Variants in RAPGEF4 observed in about 807,000 individuals in gnomAD.
The protein encoded by RAPGEF4 is Rap guanine nucleotide exchange factor 4.
In RAPGEF4, 66 loss-of-function variants were observed where a neutral mutation model predicts 147.9. That is an observed-to-expected ratio of 0.45 (90% CI 0.37 to 0.55). RAPGEF4 has a LOEUF of 0.55. Among genes scored for constraint, RAPGEF4 ranks in the 20% least tolerant of loss-of-function variants. RAPGEF4 has a pLI of 0.00. For missense variants in RAPGEF4, 1,071 were observed against 1,257.3 expected, an observed-to-expected ratio of 0.85 and a Z score of 2.24; for synonymous variants, 419 against 442.7, an observed-to-expected ratio of 0.95 and a Z score of 0.67.
intron 4 of RAPGEF4, among the ~76,000 whole-genome samples, chr2:172,914,168 A>G (rs1388277630): frequency 6.6e-6 from 1 of 152,110 alleles, no homozygotes; most frequent in Admixed American, 6.5e-5. Flanking sequence ...AGTGTCCTCT[A>G]CTAATGGACA....
chr2:172,870,430 A>C (rs963303780), intron 4 of RAPGEF4, among the ~76,000 whole-genome samples: 73 of 152,132 alleles, frequency 4.8e-4, no homozygotes, highest in African/African-American at 1.7e-3. Context: ...TTTATGCTTC[A>C]TGAGAGAGGG....
At chr2:172,802,524 T>C (rs1687083013) in intron 3 of RAPGEF4, among the ~76,000 whole-genome samples, 2 of 152,208 alleles carry the variant, frequency 1.3e-5, no homozygotes, top group Admixed American at 1.3e-4. Context: ...CACCAGGTTC[T>C]TCCTGCAACA....
intron 3 of RAPGEF4, among the ~76,000 whole-genome samples, chr2:172,802,726 T>G (rs545850848): frequency 6.6e-6 from 1 of 152,358 alleles, no homozygotes; most frequent in East Asian, 1.9e-4. Context: ...CAATGTCTTA[T>G]CTGAGACAAG....
chr2:172,970,037 G>A (rs529342465), intron 10 of RAPGEF4, among the ~76,000 whole-genome samples: 22 of 152,238 alleles, frequency 1.4e-4, no homozygotes, highest in African/African-American at 3.1e-4. Flanking sequence ...CTTTGCAAAC[G>A]TTGGAATTGG....
intron 6 of RAPGEF4, among the ~76,000 whole-genome samples, chr2:172,951,826 A>G (rs1354897387): frequency 6.6e-6 from 1 of 152,144 alleles, no homozygotes; most frequent in Non-Finnish European, 1.5e-5. Flanking sequence ...TTGGGGCAAC[A>G]TGATCTGATC....
chr2:173,041,259 T>C (rs1345090769), intron 29 of RAPGEF4, among the ~76,000 whole-genome samples: 1 of 152,100 alleles, frequency 6.6e-6, no homozygotes. Context: ...CCTCAATCTA[T>C]GGAAAAAAAG....
At chr2:173,001,382 G>T (rs189542183) in intron 17 of RAPGEF4, 38 bp downstream of exon 17, 5 of 1,611,030 alleles carry the variant, frequency 3.1e-6, no homozygotes, top group Non-Finnish European at 4.2e-6. Flanking sequence ...CTATTCCCTC[G>T]AAGACAACCC....
At chr2:172,743,612 G>A (rs996554351) in intron 1 of RAPGEF4, among the ~76,000 whole-genome samples, 2 of 152,174 alleles carry the variant, frequency 1.3e-5, no homozygotes. Context: ...TGCTATAGAG[G>A]CTAGAAAAAC....
chr2:172,998,052 C>T (rs1253643077), intron 16 of RAPGEF4, among the ~76,000 whole-genome samples: 3 of 152,148 alleles, frequency 2.0e-5, no homozygotes, highest in African/African-American at 7.2e-5. Flanking sequence ...AAGCTAGATG[C>T]TTTGGACTAG....
chr2:172,801,347 TG>T (rs1686958304), intron 3 of RAPGEF4, among the ~76,000 whole-genome samples: 1 of 152,116 alleles, frequency 6.6e-6, no homozygotes, highest in South Asian at 2.1e-4. Context: ...TCAGGGAGGA[TG>T]GGGCAGAGTT....
At chr2:172,945,975 A>G (rs1301613843) in intron 6 of RAPGEF4, among the ~76,000 whole-genome samples, 1 of 152,210 alleles carries the variant, frequency 6.6e-6, no homozygotes, top group Non-Finnish European at 1.5e-5. Context: ...CAGGGAATTG[A>G]TTCTGAGAAG....
chr2:172,746,392 A>G (rs150435084), intron 1 of RAPGEF4, among the ~76,000 whole-genome samples: 103 of 152,326 alleles, frequency 6.8e-4, no homozygotes, highest in African/African-American at 2.5e-3. Flanking sequence ...CACTCTAACA[A>G]ATAGACAAAT....
At chr2:172,879,998 T>A (rs954701221) in intron 4 of RAPGEF4, among the ~76,000 whole-genome samples, 1 of 152,144 alleles carries the variant, frequency 6.6e-6, no homozygotes, top group African/African-American at 2.4e-5. Context: ...CATGACAGGC[T>A]TTTTTCTGTA....
At chr2:172,809,499 C>A (rs1687818452) in intron 3 of RAPGEF4, among the ~76,000 whole-genome samples, 1 of 152,134 alleles carries the variant, frequency 6.6e-6, no homozygotes, top group Non-Finnish European at 1.5e-5. Flanking sequence ...AACTGGGACA[C>A]AGGATCAGAG....
intron 1 of RAPGEF4, among the ~76,000 whole-genome samples, chr2:172,746,539 A>G (rs911948930): frequency 1.3e-5 from 2 of 152,198 alleles, no homozygotes. Flanking sequence ...TTCTAAAAAC[A>G]CTTTTATTGA....
intron 1 of RAPGEF4, among the ~76,000 whole-genome samples, chr2:172,742,448 TATTTCCTGTAA>T (rs1238606694): frequency 6.6e-6 from 1 of 152,248 alleles, no homozygotes; most frequent in Admixed American, 6.5e-5. Context: ...TTGTCCCCTG[TATTTCCTGTAA>T]ATTAGTATTT....
intron 16 of RAPGEF4, among the ~76,000 whole-genome samples, chr2:172,997,987 C>T (rs1230149590): frequency 2.0e-5 from 3 of 152,136 alleles, no homozygotes; most frequent in Non-Finnish European, 4.4e-5. Flanking sequence ...ATCACTGGCT[C>T]CAGGCCAATT....
intron 15 of RAPGEF4, among the ~76,000 whole-genome samples, chr2:172,995,736 A>G (rs1286670738): frequency 6.6e-6 from 1 of 152,246 alleles, no homozygotes; most frequent in African/African-American, 2.4e-5. Context: ...AACAGTTCAC[A>G]TGCAACTTAA....
intron 4 of RAPGEF4, among the ~76,000 whole-genome samples, chr2:172,849,705 G>A (rs1692601473): frequency 6.6e-6 from 1 of 152,184 alleles, no homozygotes; most frequent in Non-Finnish European, 1.5e-5. Context: ...CTATCTTGAT[G>A]CTTGGGAGAC....
Sources: gnomAD v4.1 joint callset for allele counts (sites outside exome capture counted in the v4.1 genomes callset) on GRCh38, gnomAD v4.1.1 for gene constraint, MANE v1.5 for transcripts, NCBI Gene and HGNC (gene_info 2026-07-23, HGNC 2026-07-21) for gene names.